GRK3: variants seen among roughly 807,000 people sequenced by gnomAD.
GRK3 encodes the protein adrenergic, beta, receptor kinase 2.
A neutral mutation model predicts 95.7 loss-of-function variants in GRK3; 54 were observed. That is an observed-to-expected ratio of 0.56 (90% CI 0.45 to 0.71). The LOEUF is 0.71. GRK3 is among the 30% of genes least tolerant of loss of function. GRK3 has a pLI of 0.00. For synonymous variants in GRK3, 281 were observed against 290.8 expected, an observed-to-expected ratio of 0.97 and a Z score of 0.34; for missense variants, 649 against 851.2, an observed-to-expected ratio of 0.76 and a Z score of 2.96.
intron 1 of GRK3, among the ~76,000 whole-genome samples, chr22:25,570,759 C>T (rs1931671285): frequency 6.6e-6 from 1 of 152,174 alleles, no homozygotes; most frequent in Admixed American, 6.5e-5. Context: ...TTTTAATCTT[C>T]CCTTCCTATT....
chr22:25,608,254 G>A (rs1376717660), intron 2 of GRK3, among the ~76,000 whole-genome samples: 1 of 152,146 alleles, frequency 6.6e-6, no homozygotes, highest in Non-Finnish European at 1.5e-5. Flanking sequence ...AAGTTTATTA[G>A]GGAGTTACAA....
intron 2 of GRK3, among the ~76,000 whole-genome samples, chr22:25,633,163 C>T (rs537135845): frequency 3.2e-4 from 48 of 152,122 alleles, no homozygotes; most frequent in Non-Finnish European, 6.0e-4. Flanking sequence ...GTGATCCACC[C>T]GCCTCGGCCT....
intron 1 of GRK3, among the ~76,000 whole-genome samples, chr22:25,571,484 G>A (rs994886073): frequency 1.3e-5 from 2 of 152,032 alleles, no homozygotes; most frequent in Non-Finnish European, 2.9e-5. Flanking sequence ...TTCAGACACG[G>A]ATAACTCAAA....
intron 3 of GRK3, 127 bp from the exon 4 acceptor site, chr22:25,661,449 G>T (rs952081287): frequency 3.8e-6 from 2 of 532,220 alleles, no homozygotes; most frequent in Non-Finnish European, 6.7e-6. Context: ...GTTTCCTGTG[G>T]AATAGCCGGT....
At chr22:25,715,034 G>A (rs945445509) in intron 18 of GRK3, 1 of 152,858 alleles carries the variant, frequency 6.5e-6, no homozygotes, top group Non-Finnish European at 1.5e-5. Flanking sequence ...AGCTGGTCCT[G>A]GCGAGGAACT....
At position 25,727,016 on chromosome 22, in the gene GRK3, C is replaced by T. The variant is rs2085480180; in HGVS notation, c.*4566C>T. ...CTGGATCACTGTGAATGCATTGCCCCATTGGTCAGTTGGGGACACTGTTAC... is the reference window on the plus strand; with the variant it reads ...CTGGATCACTGTGAATGCATTGCCCTATTGGTCAGTTGGGGACACTGTTAC... On this transcript the variant is annotated 3_prime_UTR_variant, in exon 21 of 21. Coordinates refer to ENST00000324198, the MANE Select transcript of GRK3 (RefSeq NM_005160.4). The T allele has an allele frequency of 6.6e-6, 1 of 151,848 alleles. No homozygotes were observed. Among genetic ancestry groups the T allele is most frequent in the Non-Finnish European group, 1.5e-5 (1 of 68,426 alleles). 9.4% of individuals were successfully genotyped at this position (151,848 alleles called of 1,614,324 possible). A position where few individuals can be genotyped will look rare whatever the true frequency, so the allele number is the denominator to read the frequency against.
At chr22:25,679,139 G>A (rs929041404) in intron 9 of GRK3, among the ~76,000 whole-genome samples, 3 of 152,124 alleles carry the variant, frequency 2.0e-5, no homozygotes, top group Non-Finnish European at 1.5e-5. Flanking sequence ...ATTTGTCCTT[G>A]ACTTCCTTCT....
At chr22:25,572,347 A>G (rs1931733041) in intron 1 of GRK3, among the ~76,000 whole-genome samples, 1 of 152,172 alleles carries the variant, frequency 6.6e-6, no homozygotes, top group Non-Finnish European at 1.5e-5. Context: ...TAGCAGCATG[A>G]TTTATAATGC....
At chr22:25,691,418 G>A (rs936020020) in intron 12 of GRK3, among the ~76,000 whole-genome samples, 21 of 152,138 alleles carry the variant, frequency 1.4e-4, no homozygotes, top group Admixed American at 1.3e-3. Flanking sequence ...CTTTATGAAG[G>A]ACTGCATTAA....
intron 2 of GRK3, among the ~76,000 whole-genome samples, chr22:25,624,962 G>C (rs1347959747): frequency 6.6e-6 from 1 of 150,744 alleles, no homozygotes; most frequent in African/African-American, 2.4e-5. Flanking sequence ...TGTCTCCCAG[G>C]CTGGAGTGCA....
chr22:25,573,017 T>TTC (rs1838655276), intron 1 of GRK3, among the ~76,000 whole-genome samples: 1 of 152,238 alleles, frequency 6.6e-6, no homozygotes, highest in South Asian at 2.1e-4. Flanking sequence ...GAAAGCTCTC[T>TTC]TGTATTACCT....
intron 2 of GRK3, among the ~76,000 whole-genome samples, chr22:25,614,074 G>GA (rs1276610160): frequency 5.3e-5 from 8 of 152,076 alleles, no homozygotes; most frequent in Admixed American, 1.3e-4. Context: ...CTAATCACTA[G>GA]AAACTATAGG....
At chr22:25,576,451 G>A (rs529819827) in intron 1 of GRK3, among the ~76,000 whole-genome samples, 1 of 152,206 alleles carries the variant, frequency 6.6e-6, no homozygotes, top group Non-Finnish European at 1.5e-5. Flanking sequence ...CACTGCCAAA[G>A]CTGCCTAGAC....
intron 18 of GRK3, among the ~76,000 whole-genome samples, chr22:25,715,333 G>A (rs1456532975): frequency 1.3e-5 from 2 of 152,092 alleles, no homozygotes; most frequent in African/African-American, 4.8e-5. Flanking sequence ...GGGCAACATG[G>A]TGAAACCCCA....
At chr22:25,581,659 G>T (rs1445078433) in intron 1 of GRK3, among the ~76,000 whole-genome samples, 1 of 151,606 alleles carries the variant, frequency 6.6e-6, no homozygotes, top group East Asian at 1.9e-4. Flanking sequence ...AAAAAAAAAT[G>T]TAAGAAGGCT....
intron 2 of GRK3, among the ~76,000 whole-genome samples, chr22:25,615,832 G>T (rs1014135950): frequency 6.8e-6 from 1 of 147,374 alleles, no homozygotes; most frequent in Admixed American, 6.7e-5. Flanking sequence ...GGTGTTTTAA[G>T]AAGGTGCCAT....
chr22:25,620,004 TTTTGTGTG>T (rs765107925), intron 2 of GRK3, among the ~76,000 whole-genome samples: 7,381 of 120,476 alleles, frequency 0.061, 446 homozygotes, highest in African/African-American at 0.14. Context: ...CCTTTGTCTT[TTTTGTGTG>T]TGTGTGTGTG....
intron 2 of GRK3, among the ~76,000 whole-genome samples, chr22:25,614,845 A>G (rs2084525896): frequency 6.6e-6 from 1 of 152,214 alleles, no homozygotes; most frequent in Non-Finnish European, 1.5e-5. Flanking sequence ...ACATTCAATC[A>G]AATATATTTG....
chr22:25,637,460 C>T (rs1465210266), intron 2 of GRK3, among the ~76,000 whole-genome samples: 1 of 152,200 alleles, frequency 6.6e-6, no homozygotes, highest in African/African-American at 2.4e-5. Context: ...TAGTATTCCA[C>T]TGTGTGAAAA....
Sources: allele counts gnomAD v4.1 joint callset (sites outside exome capture counted in the v4.1 genomes callset), GRCh38; gene constraint gnomAD v4.1.1; transcripts MANE v1.5; gene names NCBI Gene and HGNC (gene_info 2026-07-23, HGNC 2026-07-21).